Variants in TFG observed in about 807,000 individuals in gnomAD.
TFG encodes the protein trafficking from ER to golgi regulator.
Under a neutral mutation model 51.4 loss-of-function variants are expected in TFG, and 22 were observed. The observed-to-expected ratio is 0.43, with a 90% CI of 0.31 to 0.61. The LOEUF is 0.61. TFG is among the 20% of genes least tolerant of loss of function. The pLI is 0.12. For synonymous variants in TFG, 187 were observed against 165.6 expected, an observed-to-expected ratio of 1.13 and a Z score of -0.99; for missense variants, 419 against 487.7, an observed-to-expected ratio of 0.86 and a Z score of 1.33.
Position 100,735,087 on chromosome 3 carries a change from TAAC to T in TFG, c.581-1487_581-1485del, listed in dbSNP as rs535039096. On this transcript the variant is annotated intron_variant, in intron 5 of 7. Transcript: ENST00000240851. ...TAATAAATATATATATTTAGGCTAATAACAGTGTCTTTTGTGGGAAGAATGTGT... is the reference window on the plus strand; with the variant it reads ...TAATAAATATATATATTTAGGCTAATAGTGTCTTTTGTGGGAAGAATGTGT... 6.2e-4 allele frequency among the ~76,000 whole-genome samples: 94 copies of T among 152,320 alleles called. 1 individual carries two copies. Among genetic ancestry groups the T allele is most frequent in the African/African-American group, 2.1e-3 (88 of 41,560 alleles).
intron 6 of TFG, 65 bp from the exon 7 acceptor site, chr3:100,744,768 A>G: frequency 9.4e-7 from 1 of 1,061,866 alleles, no homozygotes; most frequent in Non-Finnish European, 1.5e-6. Flanking sequence ...TGTATCTTAA[A>G]AATATTTCTC....
intron 5 of TFG, among the ~76,000 whole-genome samples, chr3:100,736,166 A>T (rs989484352): frequency 2.7e-4 from 41 of 152,134 alleles, no homozygotes; most frequent in African/African-American, 9.9e-4. Flanking sequence ...AATTGTGAGA[A>T]ATAATGTTTG....
chr3:100,734,647 A>G (rs1165952857), intron 5 of TFG, among the ~76,000 whole-genome samples: 66 of 151,990 alleles, frequency 4.3e-4, no homozygotes, highest in Admixed American at 4.3e-3. Context: ...CCTGGGAGAG[A>G]GTTTATCTGA....
At chr3:100,740,492 A>G (rs919181996) in intron 6 of TFG, among the ~76,000 whole-genome samples, 1 of 152,116 alleles carries the variant, frequency 6.6e-6, no homozygotes, top group Non-Finnish European at 1.5e-5. Context: ...CAGAAATGTC[A>G]CTGTCATTTC....
intron 5 of TFG, among the ~76,000 whole-genome samples, chr3:100,735,840 C>G (rs2149086691): frequency 6.6e-6 from 1 of 152,118 alleles, no homozygotes; most frequent in South Asian, 2.1e-4. Flanking sequence ...AGTCAGGAGC[C>G]CGGCCAAAAG....
At chr3:100,731,784 G>A (rs1372772258) in intron 4 of TFG, among the ~76,000 whole-genome samples, 8 of 152,036 alleles carry the variant, frequency 5.3e-5, no homozygotes, top group Admixed American at 4.6e-4. Flanking sequence ...CTGACCTCAA[G>A]TGATCTACCC....
At chr3:100,743,113 T>C (rs892688213) in intron 6 of TFG, 21 of 152,228 alleles carry the variant, frequency 1.4e-4, no homozygotes, top group African/African-American at 4.6e-4. Flanking sequence ...TTTGGAGTTA[T>C]GCCTGAGTTC....
intron 6 of TFG, among the ~76,000 whole-genome samples, chr3:100,737,196 T>C (rs570099094): frequency 3.2e-4 from 48 of 152,356 alleles, no homozygotes; most frequent in African/African-American, 1.1e-3. Context: ...TAGCAATATG[T>C]CTTTAATGGA....
At chr3:100,739,724 A>G (rs916563009) in intron 6 of TFG, among the ~76,000 whole-genome samples, 4 of 152,090 alleles carry the variant, frequency 2.6e-5, no homozygotes, top group Non-Finnish European at 5.9e-5. Context: ...TTTTTTCCCC[A>G]CTGCACCCCT....
Position 100,748,644 on chromosome 3 carries a change from T to G in TFG, c.*113T>G, listed in dbSNP as rs2095157836. On this transcript the variant is annotated 3_prime_UTR_variant, in exon 8 of 8. Transcript: ENST00000240851. ...TCAGAAATTTAAAAGCAGAGCATTT[T>G]TTATGATATCATTGTTGGTGTTAAT... The G allele has an allele frequency of 1.7e-6, 2 of 1,191,098 alleles. No homozygotes were observed. Among genetic ancestry groups the G allele is most frequent in the Non-Finnish European group, 2.3e-6 (2 of 876,766 alleles). The allele number at this position is 1,191,098 out of a possible 1,614,324, so 73.8% of individuals were successfully genotyped here. A position where few individuals can be genotyped will look rare whatever the true frequency, so the allele number is the denominator to read the frequency against.
intron 6 of TFG, chr3:100,742,877 T>A (rs2095125021): frequency 7.0e-6 from 1 of 142,358 alleles, no homozygotes; most frequent in Non-Finnish European, 1.5e-5. Flanking sequence ...TTATAGCAGT[T>A]TATGAAAACA....
chr3:100,741,522 C>A (rs1445797028), intron 6 of TFG, among the ~76,000 whole-genome samples: 1 of 151,918 alleles, frequency 6.6e-6, no homozygotes, highest in Non-Finnish European at 1.5e-5. Context: ...GTTAAAAAAT[C>A]AAGTTTATAA....
intron 5 of TFG, 133 bp from the exon 6 acceptor site, chr3:100,736,443 G>A (rs2095106448): frequency 1.1e-6 from 1 of 920,092 alleles, no homozygotes; most frequent in Non-Finnish European, 1.6e-6. Flanking sequence ...TACATTTAAT[G>A]TAAAAAGGCG....
intron 3 of TFG, among the ~76,000 whole-genome samples, chr3:100,720,720 G>A (rs537081367): frequency 1.3e-5 from 2 of 152,284 alleles, no homozygotes; most frequent in East Asian, 3.9e-4. Flanking sequence ...TATTTCCCGA[G>A]GGGTACTTAA....
intron 7 of TFG, among the ~76,000 whole-genome samples, chr3:100,745,440 G>A (rs772617560): frequency 1.1e-4 from 17 of 152,056 alleles, no homozygotes; most frequent in Middle Eastern, 3.2e-3. Context: ...AAATAAAATC[G>A]TATAAAATGT....
chr3:100,728,655 A>G (rs990643570), intron 3 of TFG, 57 bp from the exon 4 acceptor site: 4 of 1,352,802 alleles, frequency 3.0e-6, no homozygotes, highest in Non-Finnish European at 3.0e-6. Context: ...GTTGCATATT[A>G]TTAGTATACT....
intron 2 of TFG, among the ~76,000 whole-genome samples, chr3:100,719,732 C>T (rs2095055591): frequency 1.3e-5 from 2 of 152,118 alleles, no homozygotes; most frequent in South Asian, 2.1e-4. Context: ...TTCACTTTAG[C>T]TGTATTTTTT....
Position 100,744,866 on chromosome 3 carries a change from G to GTA in TFG, c.755_756insTA (p.Tyr253ThrfsTer120). 1.2e-6 allele frequency: 2 copies of GTA among 1,613,484 alleles called. No individual in the cohort carries two copies. The highest frequency in any genetic ancestry group is 1.7e-6 in the Non-Finnish European group (2 of 1,179,604). On this transcript the variant is annotated frameshift_variant, in exon 7 of 8. Coordinates refer to ENST00000240851, the MANE Select transcript of TFG (RefSeq NM_006070.6). LOFTEE classifies it high-confidence loss of function. ...TACCAACAGTACCAGCAACAGGCCG[G>GTA]CTATGGTGCACAGCAGCCGCAGGCT...
chr3:100,743,520 C>T (rs903156864), intron 6 of TFG: 8 of 152,046 alleles, frequency 5.3e-5, no homozygotes, highest in Middle Eastern at 3.4e-3. Context: ...CTTTTGTAAG[C>T]GTTTCTTTTT....
Sources: allele counts gnomAD v4.1 joint callset (sites outside exome capture counted in the v4.1 genomes callset), GRCh38; gene constraint gnomAD v4.1.1; transcripts MANE v1.5; gene names NCBI Gene and HGNC (gene_info 2026-07-23, HGNC 2026-07-21).